The following TTC3 variants were observed in gnomAD, a reference collection of about 807,000 sequenced individuals.
The protein encoded by TTC3 is E3 ubiquitin-protein ligase TTC3.
In TTC3, 180 loss-of-function variants were observed where a neutral mutation model predicts 249.6. The observed-to-expected ratio is 0.72, with a 90% CI of 0.64 to 0.82. The LOEUF (loss-of-function observed/expected upper bound fraction) is 0.82. TTC3 is among the 40% of genes least tolerant of loss of function. TTC3 has a pLI of 0.00. For missense variants in TTC3, 2,061 were observed against 2,398.4 expected, an observed-to-expected ratio of 0.86 and a Z score of 2.94; for synonymous variants, 717 against 805.0, an observed-to-expected ratio of 0.89 and a Z score of 1.85.
chr21:37,195,723 C>T lies in TTC3; in HGVS notation c.5266C>T (p.Leu1756Phe), dbSNP rs147961093. The change falls in exon 42 of 46, where the codon CTT becomes TTT. Residue 1756 changes from leucine (L) to phenylalanine (F), a missense_variant. Physicochemically the swap from Leu to Phe is conservative, Grantham distance 22. Around this residue, in one of 3 missense-constraint regions of TTC3, gnomAD observed 1,040 missense variants for 1,186.1 expected, o/e 0.88. Coordinates refer to ENST00000355666, the Ensembl canonical transcript of TTC3. ...GTCTTCAGGCGACGATGGCCAAGGG[C>T]TTGTGACTTCTGCAAGCGACGTGAC... 1.6e-5 allele frequency: 26 copies of T among 1,614,000 alleles called. No individual in the cohort carries two copies. The African/African-American group carries it at 3.3e-4, about 21-fold the overall frequency.
At chr21:37,166,439 G>A in exon 33 of TTC3, 1 of 1,614,154 alleles carries the variant, frequency 6.2e-7, no homozygotes, top group East Asian at 2.2e-5. Flanking sequence ...GATCCTTGAG[G>A]GCTCTTTGGG....
intron 42 of TTC3, among the ~76,000 whole-genome samples, chr21:37,196,990 T>G (rs1235275702): frequency 1.3e-5 from 2 of 152,176 alleles, no homozygotes. Context: ...GGGGACAGAG[T>G]TGCCTCTTGT....
intron 37 of TTC3, among the ~76,000 whole-genome samples, chr21:37,186,425 G>A (rs535671776): frequency 2.0e-5 from 3 of 152,176 alleles, no homozygotes; most frequent in Non-Finnish European, 2.9e-5. Flanking sequence ...GTTTTATAAA[G>A]CTTACTTTTT....
intron 42 of TTC3, among the ~76,000 whole-genome samples, chr21:37,196,918 G>T (rs1422447169): frequency 6.6e-6 from 1 of 152,156 alleles, no homozygotes; most frequent in African/African-American, 2.4e-5. Flanking sequence ...TGGGATGATG[G>T]CAGGCTCTTC....
At chr21:37,167,652 G>T in intron 34 of TTC3, 32 bp downstream of exon 34, 7 of 1,558,716 alleles carry the variant, frequency 4.5e-6, no homozygotes, top group Non-Finnish European at 6.1e-6. Context: ...CTGTTTAAAG[G>T]TTTAGTTTTC....
chr21:37,108,639 C>T (rs1178827949), intron 11 of TTC3, among the ~76,000 whole-genome samples, 193 bp downstream of exon 11: 1 of 152,088 alleles, frequency 6.6e-6, no homozygotes, highest in Non-Finnish European at 1.5e-5. Context: ...TGCGTGAGGA[C>T]AGGTGGCCTG....
intron 15 of TTC3, 46 bp downstream of exon 15, chr21:37,126,189 C>CTCCTTTAGGATGCCCTACA (rs1432601042): frequency 6.3e-7 from 1 of 1,584,810 alleles, no homozygotes; most frequent in Non-Finnish European, 8.6e-7. Context: ...AATATAATGT[C>CTCCTTTAGGATGCCCTACA]TCCTAAATTT....
chr21:37,155,714 G>C (rs1048207722), intron 27 of TTC3, among the ~76,000 whole-genome samples: 1 of 152,104 alleles, frequency 6.6e-6, no homozygotes, highest in Non-Finnish European at 1.5e-5. Context: ...ATCAGGAGTG[G>C]GGCTTCACCG....
At chr21:37,130,597 A>G (rs543693886) in intron 16 of TTC3, among the ~76,000 whole-genome samples, 1 of 151,790 alleles carries the variant, frequency 6.6e-6, no homozygotes, top group African/African-American at 2.4e-5. Context: ...TATTAGAATG[A>G]CTCTGGCCTA....
At chr21:37,200,145 A>T in intron 44 of TTC3, 87 bp from the exon 45 acceptor site, 1 of 1,218,332 alleles carries the variant, frequency 8.2e-7, no homozygotes, top group Non-Finnish European at 1.1e-6. Context: ...GTGGCAGAAG[A>T]TGTTTGAAGG....
intron 1 of TTC3, among the ~76,000 whole-genome samples, chr21:37,075,876 A>T (rs1345961501): frequency 6.6e-6 from 1 of 151,822 alleles, no homozygotes; most frequent in Non-Finnish European, 1.5e-5. Flanking sequence ...AATTAAAAGT[A>T]TTTTTTTTCT....
intron 18 of TTC3, among the ~76,000 whole-genome samples, chr21:37,136,905 T>G (rs1341732273): frequency 6.6e-6 from 1 of 152,198 alleles, no homozygotes; most frequent in African/African-American, 2.4e-5. Context: ...TTGAAGCCAG[T>G]GCTCATTTAT....
At chr21:37,090,431 A>T (rs1601321471) in intron 6 of TTC3, 145 bp downstream of exon 6, 2 of 964,130 alleles carry the variant, frequency 2.1e-6, no homozygotes. Context: ...TTCCTTAAGG[A>T]GACTCCTCAT....
chr21:37,150,862 A>T, exon 25 of TTC3: 1 of 1,610,370 alleles, frequency 6.2e-7, no homozygotes, highest in African/African-American at 1.3e-5. Context: ...TCCAAGACCT[A>T]TTCTGAAACA....
At chr21:37,125,247 A>C (rs1487482157) in intron 14 of TTC3, among the ~76,000 whole-genome samples, 1 of 152,196 alleles carries the variant, frequency 6.6e-6, no homozygotes. Flanking sequence ...GAAATCACAC[A>C]GGTTTACTTA....
chr21:37,152,176 C>G (rs962857941), intron 26 of TTC3, 147 bp downstream of exon 26: 3 of 1,004,568 alleles, frequency 3.0e-6, no homozygotes, highest in Admixed American at 2.9e-5. Context: ...TCTTCTGTTA[C>G]TCGAAGACAG....
intron 11 of TTC3, among the ~76,000 whole-genome samples, chr21:37,109,513 G>A (rs577711283): frequency 6.6e-6 from 1 of 152,324 alleles, no homozygotes; most frequent in South Asian, 2.1e-4. Flanking sequence ...GAGGCTGGAG[G>A]AGGGGCGCCT....
chr21:37,150,872 A>C (rs1279838216), exon 25 of TTC3: 1 of 1,608,316 alleles, frequency 6.2e-7, no homozygotes, highest in Admixed American at 1.7e-5. Flanking sequence ...ATTCTGAAAC[A>C]GAAATGTTCT....
intron 6 of TTC3, among the ~76,000 whole-genome samples, chr21:37,090,793 G>T (rs1397958684): frequency 6.6e-6 from 1 of 152,120 alleles, no homozygotes; most frequent in Non-Finnish European, 1.5e-5. Context: ...TGCACTGAGT[G>T]CCCATTTGCC....
Sources: gnomAD v4.1 joint callset for allele counts (sites outside exome capture counted in the v4.1 genomes callset) on GRCh38, gnomAD v4.1.1 for gene constraint, gnomAD v4.1.1 regional missense constraint, MANE v1.5 for transcripts, NCBI Gene and HGNC (gene_info 2026-07-23, HGNC 2026-07-21) for gene names.